Variants in NUP58 observed in about 807,000 individuals in gnomAD.
NUP58 encodes the protein nucleoporin p58/p45.
Under a neutral mutation model 70.1 loss-of-function variants are expected in NUP58, and 17 were observed. The ratio of observed to expected loss-of-function variants is 0.24; its 90% confidence interval spans 0.17 to 0.36. NUP58 has a LOEUF of 0.36. NUP58 is among the 10% of genes least tolerant of loss of function. The pLI is 1.00. For synonymous variants in NUP58, 275 were observed against 257.6 expected (o/e 1.07, Z -0.65); for missense variants, 644 against 701.5 (o/e 0.92, Z 0.93).
intron 13 of NUP58, chr13:25,332,746 A>G (rs993863037): frequency 5.1e-6 from 5 of 985,454 alleles, no homozygotes; most frequent in Non-Finnish European, 6.0e-6. Context: ...TCGCACGAGC[A>G]CTGTCTGGTA....
At chr13:25,325,783 G>T (rs1016312673) in intron 10 of NUP58, among the ~76,000 whole-genome samples, 3 of 152,154 alleles carry the variant, frequency 2.0e-5, no homozygotes, top group Admixed American at 6.5e-5. Context: ...GCCTAGGCTG[G>T]TCCTAGGCTA....
At chr13:25,319,747 G>T (rs753086621) in intron 7 of NUP58, among the ~76,000 whole-genome samples, 3 of 152,004 alleles carry the variant, frequency 2.0e-5, no homozygotes, top group African/African-American at 4.8e-5. Context: ...GAAGAGAATA[G>T]CCTCCATATA....
At position 25,313,629 on chromosome 13, in the gene NUP58, C is replaced by T. The variant is rs1300052512; in HGVS notation, c.452C>T (p.Thr151Ile). The T allele has an allele frequency of 6.6e-7, 1 of 1,517,478 alleles. No individual in the cohort carries two copies. Among genetic ancestry groups the T allele is most frequent in the Non-Finnish European group, 8.7e-7 (1 of 1,145,942 alleles). The allele number at this position is 1,517,478 out of a possible 1,614,324, so 94.0% of individuals were successfully genotyped here. A position where few individuals can be genotyped will look rare whatever the true frequency, so the allele number is the denominator to read the frequency against. The change falls in exon 5 of 16, where the codon ACT becomes ATT. Residue 151 changes from threonine to isoleucine, a missense_variant. By Grantham distance (89) the Thr-to-Ile change is moderately conservative. Coordinates refer to ENST00000381736, the MANE Select transcript of NUP58 (RefSeq NM_014089.4). ...TSTPAASTGFTLNNLGGTTAT... is the reference protein window; with the variant it reads ...TSTPAASTGFILNNLGGTTAT... ...CTTTTTATAGCATCCACAGGATTTA[C>T]TCTAAATAATTTGGGTGGGACAACA...
chr13:25,335,210 A>G (rs2031738675), intron 13 of NUP58: 2 of 985,036 alleles, frequency 2.0e-6, no homozygotes, highest in South Asian at 4.7e-5. Context: ...AAGTCTTGTC[A>G]TCATTAGATA....
chr13:25,335,470 CAG>C, intron 13 of NUP58: 1 of 984,940 alleles, frequency 1.0e-6, no homozygotes, highest in Non-Finnish European at 1.2e-6. Flanking sequence ...TGTTAGGAAT[CAG>C]AAAGTATAAT....
rs748606828 is a variant in NUP58, at chr13:25,340,643, C to G, written c.*509C>G. 1 of 152,148 alleles carries G rather than the reference C, an allele frequency of 6.6e-6. No individual in the cohort carries two copies. Among genetic ancestry groups the G allele is most frequent in the Non-Finnish European group, 1.5e-5 (1 of 68,070 alleles). 9.4% of individuals were successfully genotyped at this position (152,148 alleles called of 1,614,324 possible). A position where few individuals can be genotyped will look rare whatever the true frequency, so the allele number is the denominator to read the frequency against. ...GTGCATATAAAATACATATTTACGCCAGGCGTGGTGGCTCACGCCTGTAAT... is the reference window on the plus strand; with the variant it reads ...GTGCATATAAAATACATATTTACGCGAGGCGTGGTGGCTCACGCCTGTAAT... On this transcript the variant is annotated 3_prime_UTR_variant, in exon 16 of 16. Transcript: ENST00000381736.
At chr13:25,347,658 A>G (rs951366413) in intron 3 of NUP58, among the ~76,000 whole-genome samples, 2 of 151,994 alleles carry the variant, frequency 1.3e-5, no homozygotes, top group African/African-American at 4.8e-5. Context: ...TGCCCTCATT[A>G]TTTTCAGGTG....
chr13:25,343,799 A>ACATATG (rs1481372218), downstream of NUP58, among the ~76,000 whole-genome samples: 43 of 99,334 alleles, frequency 4.3e-4, no homozygotes, highest in African/African-American at 1.9e-3. Context: ...TATTCCACAT[A>ACATATG]TATATGTATA....
In NUP58 at chr13:25,320,551, T is replaced by C; in HGVS notation, c.732T>C (p.Asp244=). The C allele has an allele frequency of 6.2e-7, 1 of 1,610,960 alleles. No homozygotes were observed. ...TTAGGGATAGTAAAGCTCTGAAGGA[T>C]GAAAATCTACCTCCTGTCATCTGCC... The part of the protein sequence containing the change: ...TRPEDSKALK[D]ENLPPVICQD... The change falls in exon 8 of 16, where the codon GAT becomes GAC. Residue 244 remains aspartate (D), a synonymous_variant. Coordinates refer to ENST00000381736, the MANE Select transcript of NUP58 (RefSeq NM_014089.4).
chr13:25,327,296 G>A, intron 11 of NUP58, 134 bp from the exon 12 acceptor site: 1 of 587,988 alleles, frequency 1.7e-6, no homozygotes, highest in Non-Finnish European at 3.0e-6. Flanking sequence ...GTGTTCTCTG[G>A]CCATGAGAAC....
At chr13:25,310,206 ATT>A (rs796547133) in intron 3 of NUP58, among the ~76,000 whole-genome samples, 23,997 of 46,816 alleles carry the variant, frequency 0.51, 6,725 homozygotes, top group Non-Finnish European at 0.69. Context: ...CCCTTGGCTA[ATT>A]TTTTTTTTTT....
chr13:25,312,806 G>A (rs1593180098), intron 3 of NUP58, 77 bp from the exon 4 acceptor site: 1 of 1,408,116 alleles, frequency 7.1e-7, no homozygotes, highest in East Asian at 2.5e-5. Flanking sequence ...GATCCTTATT[G>A]AAACCAGTAT....
intron 3 of NUP58, among the ~76,000 whole-genome samples, chr13:25,311,246 C>G (rs529461194): frequency 5.3e-5 from 8 of 151,964 alleles, no homozygotes; most frequent in African/African-American, 1.9e-4. Context: ...CAGGTTGGGA[C>G]CAGATAGGAA....
intron 13 of NUP58, chr13:25,333,154 T>C (rs1566070302): frequency 1.0e-6 from 1 of 985,146 alleles, no homozygotes; most frequent in Non-Finnish European, 1.2e-6. Context: ...AACTTTCTTA[T>C]CTATAGATTA....
At chr13:25,325,851 C>T (rs372607383) in intron 10 of NUP58, among the ~76,000 whole-genome samples, 23 of 152,272 alleles carry the variant, frequency 1.5e-4, no homozygotes, top group African/African-American at 4.6e-4. Flanking sequence ...TGAGCCACCA[C>T]GCCTGGCCCC....
intron 12 of NUP58, among the ~76,000 whole-genome samples, chr13:25,330,596 A>G (rs1193823370): frequency 6.6e-6 from 1 of 152,224 alleles, no homozygotes; most frequent in African/African-American, 2.4e-5. Flanking sequence ...TGAAAGCATA[A>G]AATAATTCTA....
chr13:25,303,748 A>G (rs974657553), intron 1 of NUP58, among the ~76,000 whole-genome samples: 14 of 152,184 alleles, frequency 9.2e-5, no homozygotes, highest in African/African-American at 2.7e-4. Flanking sequence ...ATTAATACCT[A>G]TGTCTCTCAC....
intron 6 of NUP58, chr13:25,317,840 A>T (rs1205533817): frequency 6.7e-6 from 1 of 149,848 alleles, no homozygotes; most frequent in Non-Finnish European, 1.5e-5. Flanking sequence ...AAGGTAAATG[A>T]GGAAAGTAAA....
intron 3 of NUP58, among the ~76,000 whole-genome samples, chr13:25,311,673 C>CTTTTTT (rs149489423): frequency 8.2e-6 from 1 of 121,962 alleles, no homozygotes; most frequent in Admixed American, 8.1e-5. Flanking sequence ...CGGCACCTGT[C>CTTTTTT]TTTTTTTTTT....
Sources: gnomAD v4.1 joint callset for allele counts (sites outside exome capture counted in the v4.1 genomes callset) on GRCh38, gnomAD v4.1.1 for gene constraint, MANE v1.5 for transcripts, NCBI Gene and HGNC (gene_info 2026-07-23, HGNC 2026-07-21) for gene names.